SYNPO2: variants seen among roughly 807,000 people sequenced by gnomAD.
SYNPO2 encodes synaptopodin-2.
In SYNPO2, 56 loss-of-function variants were observed where a neutral mutation model predicts 85.0. The ratio of observed to expected loss-of-function variants is 0.66; its 90% CI spans 0.53 to 0.82. The LOEUF (loss-of-function observed/expected upper bound fraction) is 0.82, where lower values mean the gene tolerates loss of function less well. SYNPO2 is among the 40% of genes least tolerant of loss of function. SYNPO2 has a pLI of 0.00. For missense variants in SYNPO2, 1,575 were observed against 1,534.2 expected, an observed-to-expected ratio of 1.03 and a Z score of -0.44; for synonymous variants, 602 against 591.1, an observed-to-expected ratio of 1.02 and a Z score of -0.27.
intron 1 of SYNPO2, among the ~76,000 whole-genome samples, chr4:118,971,306 A>C (rs912594458): frequency 3.9e-5 from 6 of 152,214 alleles, no homozygotes; most frequent in Non-Finnish European, 8.8e-5. Context: ...AAGGAGCCAG[A>C]ATCCATGGAT....
At chr4:118,857,887 G>T (rs1731534860) in intron 1 of SYNPO2, among the ~76,000 whole-genome samples, 1 of 152,138 alleles carries the variant, frequency 6.6e-6, no homozygotes, top group Admixed American at 6.5e-5. Flanking sequence ...AATAATTTTG[G>T]TAAAAATAGT....
At position 119,030,359 on chromosome 4, in the gene SYNPO2, T is replaced by C; in HGVS notation, c.1584T>C (p.Asp528=). 2 of 1,614,032 alleles carry C rather than the reference T, an allele frequency of 1.2e-6. No individual in the cohort carries two copies. The highest frequency in any genetic ancestry group is 1.7e-6 in the Non-Finnish European group (2 of 1,180,022). ...GAGAACAAGATGCTGCCCAGACCGATGGCCTGAGAACCACGACTTCTTACC... is the reference window on the plus strand; with the variant it reads ...GAGAACAAGATGCTGCCCAGACCGACGGCCTGAGAACCACGACTTCTTACC... The part of the protein sequence containing the change: ...PSREQDAAQT[D]GLRTTTSYQR... Residue 528 remains aspartate, a synonymous_variant, in exon 4 of 5, where the codon GAT becomes GAC. Coordinates refer to ENST00000307142, the MANE Select transcript of SYNPO2 (RefSeq NM_133477.3).
Position 119,030,542 on chromosome 4 carries a change from C to T in SYNPO2, c.1767C>T (p.Ala589=), listed in dbSNP as rs767185918. 4.3e-6 allele frequency: 7 copies of T among 1,614,018 alleles called. No individual in the cohort carries two copies. Among genetic ancestry groups the T allele is most frequent in the Non-Finnish European group, 5.9e-6 (7 of 1,180,038 alleles). ...GGATGGTCCCCATGAATAGAACGGC[C>T]AAACCCTTCCCAGGGTCTGTGAATC... ...IQRMVPMNRT[A]KPFPGSVNQP... Residue 589 remains alanine (A), a synonymous_variant, in exon 4 of 5, where the codon GCC becomes GCT. Transcript: ENST00000307142.
Position 119,036,938 on chromosome 4 carries a change from G to A in SYNPO2, c.3252+4911G>A, listed in dbSNP as rs1018826007. On this transcript the variant is annotated intron_variant, in intron 4 of 4. Transcript: ENST00000307142. ...ATAAAGTGCATCCCAAGTATACAGGGGAGAAAGCTAGACTCCTACAGGGTC... is the reference window on the plus strand; with the variant it reads ...ATAAAGTGCATCCCAAGTATACAGGAGAGAAAGCTAGACTCCTACAGGGTC... 11 of 1,217,956 alleles carry A rather than the reference G, an allele frequency of 9.0e-6. No homozygotes were observed. The African/African-American group carries it at 1.6e-4, about 17-fold the overall frequency. 75.4% of individuals were successfully genotyped at this position (1,217,956 alleles called of 1,614,324 possible).
In SYNPO2 at chr4:119,035,474, T is replaced by C. The variant is rs928632970; in HGVS notation, c.3252+3447T>C. The C allele has an allele frequency of 3.0e-6, 3 of 985,290 alleles. No individual in the cohort carries two copies. The African/African-American group carries it at 5.2e-5, about 17-fold the overall frequency. 61.0% of individuals were successfully genotyped at this position (985,290 alleles called of 1,614,324 possible). A position where few individuals can be genotyped will look rare whatever the true frequency, so the allele number is the denominator to read the frequency against. On this transcript the variant is annotated intron_variant, in intron 4 of 4. Coordinates refer to ENST00000307142, the MANE Select transcript of SYNPO2 (RefSeq NM_133477.3). ...AAAACAAACACAGTTTCTGCATTGG[T>C]AGTGTAAAGCATACCTTGTTAGGAA...
chr4:118,962,528 C>A (rs1290309343), intron 1 of SYNPO2, among the ~76,000 whole-genome samples: 6 of 152,116 alleles, frequency 3.9e-5, no homozygotes, highest in Admixed American at 3.9e-4. Context: ...AGGACATTTT[C>A]CTAATTATAA....
intron 1 of SYNPO2, among the ~76,000 whole-genome samples, chr4:118,891,008 G>C (rs560489244): frequency 6.6e-6 from 1 of 152,086 alleles, no homozygotes; most frequent in East Asian, 1.9e-4. Flanking sequence ...TGCATGTGAC[G>C]ATTTCAATGT....
intron 1 of SYNPO2, among the ~76,000 whole-genome samples, chr4:118,922,354 C>A (rs1733569208): frequency 6.6e-6 from 1 of 152,014 alleles, no homozygotes; most frequent in African/African-American, 2.4e-5. Context: ...AAAAAGTTGG[C>A]TTTCTGTAAT....
intron 1 of SYNPO2, among the ~76,000 whole-genome samples, chr4:118,904,348 G>A (rs1006898358): frequency 2.0e-5 from 3 of 152,192 alleles, no homozygotes; most frequent in Non-Finnish European, 4.4e-5. Flanking sequence ...AGACCCGGAT[G>A]TCATTGGAAG....
At chr4:119,041,732 T>C (rs771441809) in intron 4 of SYNPO2, among the ~76,000 whole-genome samples, 2 of 152,248 alleles carry the variant, frequency 1.3e-5, no homozygotes, top group Non-Finnish European at 2.9e-5. Context: ...ATTTCCTTTA[T>C]ATACAGCACT....
chr4:118,857,395 G>A (rs1731525211), intron 1 of SYNPO2, among the ~76,000 whole-genome samples: 1 of 151,866 alleles, frequency 6.6e-6, no homozygotes, highest in South Asian at 2.1e-4. Context: ...CAGGACAAAG[G>A]TAATAGCTGT....
chr4:118,989,502 G>C (rs1471616901), intron 1 of SYNPO2, among the ~76,000 whole-genome samples: 2 of 152,216 alleles, frequency 1.3e-5, no homozygotes, highest in African/African-American at 2.4e-5. Flanking sequence ...TGAAGACAGA[G>C]AGCATGCTAT....
At chr4:118,862,809 T>C (rs929570959) in intron 1 of SYNPO2, among the ~76,000 whole-genome samples, 2 of 152,092 alleles carry the variant, frequency 1.3e-5, no homozygotes, top group Non-Finnish European at 2.9e-5. Flanking sequence ...TTCTTTCTTT[T>C]TTTTTTCTTT....
At chr4:118,871,896 G>T (rs1436557508) in intron 1 of SYNPO2, among the ~76,000 whole-genome samples, 2 of 152,262 alleles carry the variant, frequency 1.3e-5, no homozygotes, top group South Asian at 2.1e-4. Flanking sequence ...TGAATGACTG[G>T]GTCAAAGCAG....
rs1253786618 is a variant in SYNPO2, at chr4:118,977,794, T to A, written c.106-45636T>A. Among the ~76,000 whole-genome samples, 3 of 152,170 alleles carry A rather than the reference T, an allele frequency of 2.0e-5. No homozygotes were observed. In the East Asian group the frequency reaches 5.8e-4, roughly 29 times the overall value. On this transcript the variant is annotated intron_variant, in intron 1 of 4. Transcript: ENST00000307142. ...TTCTTTGAACGTATATCATGGTGAG[T>A]AGTGCTTGACCTTGTACAGTGTTAG...
chr4:118,912,137 C>T (rs736965), intron 1 of SYNPO2, among the ~76,000 whole-genome samples: 88,247 of 152,060 alleles, frequency 0.58, 27,452 homozygotes, highest in East Asian at 0.81. Context: ...TCACGAGATG[C>T]AATGAAATCT....
rs190385464 is a variant in SYNPO2, at chr4:118,948,033, A to T, written c.105+58892A>T. On this transcript the variant is annotated intron_variant, in intron 1 of 4. Transcript: ENST00000307142. ...GGTCCAAAAGGAAACTTTTTTGGTTAGTTAATTTGGTTAGTTAGTAAGTAA... is the reference window on the plus strand; with the variant it reads ...GGTCCAAAAGGAAACTTTTTTGGTTTGTTAATTTGGTTAGTTAGTAAGTAA... Among the ~76,000 whole-genome samples, 423 of 152,266 alleles carry T rather than the reference A, an allele frequency of 2.8e-3. 2 individuals are homozygous for T. The highest frequency in any genetic ancestry group is 0.01 in the Middle Eastern group (3 of 294).
chr4:118,937,201 C>A (rs1051784969), intron 1 of SYNPO2, among the ~76,000 whole-genome samples: 1 of 152,198 alleles, frequency 6.6e-6, no homozygotes, highest in Non-Finnish European at 1.5e-5. Flanking sequence ...TTTTGCAAGG[C>A]CCCGCCTACA....
intron 1 of SYNPO2, among the ~76,000 whole-genome samples, chr4:118,903,815 G>T (rs1346798570): frequency 6.6e-6 from 1 of 151,872 alleles, no homozygotes; most frequent in Non-Finnish European, 1.5e-5. Flanking sequence ...TGGTTCAAGT[G>T]ATTCTCCTGC....
Sources: gnomAD v4.1 joint callset for allele counts (sites outside exome capture counted in the v4.1 genomes callset) on GRCh38, gnomAD v4.1.1 for gene constraint, MANE v1.5 for transcripts, NCBI Gene and HGNC (gene_info 2026-07-23, HGNC 2026-07-21) for gene names.